EGF: variants seen among roughly 807,000 people sequenced by gnomAD.
EGF encodes epidermal growth factor, also known as pro-epidermal growth factor.
Under a neutral mutation model 143.8 loss-of-function variants are expected in EGF, and 95 were observed. The observed-to-expected ratio is 0.66, with a 90% CI of 0.56 to 0.78. EGF has a LOEUF of 0.78. Ranked by LOEUF, EGF falls within the 30% of genes least tolerant of loss-of-function variation. The probability of loss-of-function intolerance (pLI) is 0.00; values close to 1 mark genes in which losing one functional copy is unlikely to be tolerated. For synonymous variants in EGF, 510 were observed against 510.5 expected (o/e 1.00, Z 0.01); for missense variants, 1,320 against 1,470.9 (o/e 0.90, Z 1.68).
intron 1 of EGF, among the ~76,000 whole-genome samples, chr4:109,935,460 C>T (rs556269500): frequency 1.8e-3 from 280 of 152,236 alleles, no homozygotes; most frequent in African/African-American, 6.3e-3. Context: ...TGGGCTGAGA[C>T]GATGGGGTTT....
intron 22 of EGF, 96 bp downstream of exon 22, chr4:110,004,718 C>A: frequency 2.2e-6 from 2 of 899,312 alleles, no homozygotes; most frequent in Non-Finnish European, 3.2e-6. Context: ...TGACTGGAAT[C>A]AGTTATAGCT....
rs540744126 is a variant in EGF, at chr4:109,969,708, A to G, written c.1724+589A>G. On this transcript the variant is annotated intron_variant, in intron 11 of 23. Transcript: ENST00000265171. ...AATAAGCATTCTCGGAGCATCTGCT[A>G]TGGAAATAAGACTTTCTCCGAAGTC... Among the ~76,000 whole-genome samples, 26 of 152,320 alleles carry G rather than the reference A, an allele frequency of 1.7e-4. No homozygotes were observed. In the East Asian group the frequency reaches 2.1e-3, roughly 12 times the overall value.
intron 16 of EGF, among the ~76,000 whole-genome samples, chr4:109,986,821 G>C (rs998819608): frequency 5.3e-5 from 8 of 152,036 alleles, no homozygotes; most frequent in African/African-American, 1.9e-4. Flanking sequence ...GATTTCAATG[G>C]AGTATGAAAT....
rs41464250 is a variant in EGF, at chr4:110,008,403, G to A, written c.3370+173G>A. The A allele has an allele frequency of 2.8e-3, 953 of 334,906 alleles. 9 individuals are homozygous for A. The highest frequency in any genetic ancestry group is 0.018 in the African/African-American group (824 of 44,812). 20.7% of individuals were successfully genotyped at this position (334,906 alleles called of 1,614,324 possible). On this transcript the variant is annotated intron_variant, in intron 23 of 23. Transcript: ENST00000265171. The stretch of plus-strand genomic sequence containing the variant: ...AAATGCCATGGACCTGATTTGCACT[G>A]GAGTTCTATCTTATATGAGGTTACC...
intron 10 of EGF, chr4:109,968,679 TC>T (rs1466965793): frequency 9.8e-5 from 35 of 355,346 alleles, no homozygotes; most frequent in Non-Finnish European, 1.6e-4. Flanking sequence ...TATACATCTA[TC>T]TATCTATCTA....
At chr4:109,990,617 G>A (rs890137331) in intron 18 of EGF, among the ~76,000 whole-genome samples, 2 of 152,142 alleles carry the variant, frequency 1.3e-5, no homozygotes, top group Non-Finnish European at 2.9e-5. Flanking sequence ...TAGACTGGAT[G>A]GCCTAAGCAA....
chr4:110,002,196 GATTA>G (rs779560809), intron 21 of EGF, among the ~76,000 whole-genome samples: 28 of 152,102 alleles, frequency 1.8e-4, no homozygotes, highest in Non-Finnish European at 3.7e-4. Context: ...TCTCTCAAAG[GATTA>G]ATTGTTTGTG....
chr4:109,953,085 G>A (rs1744204391), intron 5 of EGF, among the ~76,000 whole-genome samples: 1 of 152,174 alleles, frequency 6.6e-6, no homozygotes, highest in Non-Finnish European at 1.5e-5. Context: ...TAAACTGGTA[G>A]TTTAGGCTTA....
intron 1 of EGF, among the ~76,000 whole-genome samples, chr4:109,919,733 T>TG (rs1355780682): frequency 1.3e-5 from 2 of 151,408 alleles, no homozygotes; most frequent in East Asian, 3.9e-4. Flanking sequence ...GAGCTCTTGA[T>TG]GGGGTAAGGA....
rs541983140 is a variant in EGF at position 109,958,523 on chromosome 4, G to A, written c.941-789G>A. The stretch of plus-strand genomic sequence containing the variant: ...CTGGCAGCAATAACTACAGAAATTT[G>A]AGGAGCAGAGATATGGCAATGGTAT... On this transcript the variant is annotated intron_variant, in intron 5 of 23. Transcript: ENST00000265171. Among the ~76,000 whole-genome samples the A allele has an allele frequency of 5.6e-4, 85 of 152,292 alleles. No homozygotes were observed. In the Middle Eastern group the frequency reaches 0.01, roughly 18 times the overall value.
At chr4:109,948,403 G>A (rs1743215588) in intron 5 of EGF, among the ~76,000 whole-genome samples, 2 of 152,160 alleles carry the variant, frequency 1.3e-5, no homozygotes, top group Non-Finnish European at 2.9e-5. Context: ...GATTTTATGG[G>A]TTAGATGAAA....
intron 15 of EGF, among the ~76,000 whole-genome samples, chr4:109,981,928 T>G (rs1188064108): frequency 6.6e-6 from 1 of 151,106 alleles, no homozygotes; most frequent in Non-Finnish European, 1.5e-5. Flanking sequence ...CTTGTGAAAC[T>G]GGGTTTTATT....
intron 19 of EGF, 50 bp downstream of exon 19, chr4:109,993,419 T>C: frequency 6.8e-6 from 11 of 1,610,138 alleles, no homozygotes; most frequent in Non-Finnish European, 6.8e-6. Context: ...GGCTCGGGGA[T>C]ATTCTATACC....
In EGF at chr4:109,945,069, T is replaced by C. The variant is rs1214954890; in HGVS notation, c.738-4T>C. ...TTCTTTTTTCTTTTGTGGTTGCTTT[T>C]TAGGCATAATTTGTTTGCAATGTCC... On this transcript the variant is annotated splice_polypyrimidine_tract_variant and splice_region_variant and intron_variant, in intron 4 of 23. Coordinates refer to ENST00000265171, the MANE Select transcript of EGF (RefSeq NM_001963.6). 6.2e-7 allele frequency: 1 copy of C among 1,613,988 alleles called. No individual in the cohort carries two copies.
chr4:109,988,594 A>G lies in EGF; in HGVS notation c.2619A>G (p.Glu873=), dbSNP rs749592129. ...GDGKLCSDID[E]CEMGVPVCPP... ...TAATTTTGCCCACAGATATAGATGA[A>G]TGTGAGATGGGTGTCCCAGTGTGCC... Residue 873 remains glutamate, a synonymous_variant, in exon 18 of 24, where the codon GAA becomes GAG. Coordinates refer to ENST00000265171, the MANE Select transcript of EGF (RefSeq NM_001963.6). 6.2e-7 allele frequency: 1 copy of G among 1,614,040 alleles called. No homozygotes were observed. Among genetic ancestry groups the G allele is most frequent in the Non-Finnish European group, 8.5e-7 (1 of 1,179,906 alleles).
rs368926602 is a variant in EGF at position 109,942,219 on chromosome 4, G to A, written c.328-1035G>A. On this transcript the variant is annotated intron_variant, in intron 2 of 23. Transcript: ENST00000265171. ...TAAAATAGTTGTGAATTTATATCAAGCCATTAGGAAAGGATCAGCCTGTTG... is the reference window on the plus strand; with the variant it reads ...TAAAATAGTTGTGAATTTATATCAAACCATTAGGAAAGGATCAGCCTGTTG... 5.9e-5 allele frequency among the ~76,000 whole-genome samples: 9 copies of A among 152,288 alleles called. No individual in the cohort carries two copies. The South Asian group carries it at 1.0e-3, about 18-fold the overall frequency.
At chr4:109,998,781 TA>T (rs1391991424) in intron 20 of EGF, among the ~76,000 whole-genome samples, 1 of 152,194 alleles carries the variant, frequency 6.6e-6, no homozygotes. Flanking sequence ...CCTTTTGGAA[TA>T]AAGTGGGGAC....
At chr4:109,999,183 C>G (rs1272611463) in intron 20 of EGF, among the ~76,000 whole-genome samples, 1 of 152,058 alleles carries the variant, frequency 6.6e-6, no homozygotes, top group Non-Finnish European at 1.5e-5. Flanking sequence ...AAAGTTTTCT[C>G]TGCAGACTAG....
At chr4:109,979,828 G>C in intron 13 of EGF, 144 bp from the exon 14 acceptor site, 1 of 886,578 alleles carries the variant, frequency 1.1e-6, no homozygotes, top group South Asian at 1.6e-5. Flanking sequence ...AGGTGTGTGA[G>C]TCGGTGGCTC....
Sources: allele counts gnomAD v4.1 joint callset (sites outside exome capture counted in the v4.1 genomes callset), GRCh38; gene constraint gnomAD v4.1.1; transcripts MANE v1.5; gene names NCBI Gene and HGNC (gene_info 2026-07-23, HGNC 2026-07-21).